The following CTNNA3 variants were observed in gnomAD, a reference collection of about 807,000 sequenced individuals.
CTNNA3 encodes catenin alpha 3.
A neutral mutation model predicts 95.7 loss-of-function variants in CTNNA3; 76 were observed. The ratio of observed to expected loss-of-function variants is 0.79; its 90% CI spans 0.66 to 0.96. The LOEUF is 0.96. CTNNA3 is among the 40% of genes least tolerant of loss of function. CTNNA3 has a pLI of 0.00. For missense variants in CTNNA3, 1,191 were observed against 1,089.8 expected (o/e 1.09, Z -1.31); for synonymous variants, 431 against 374.4 (o/e 1.15, Z -1.74).
At chr10:67,083,408 A>G (rs1857145539) in intron 7 of CTNNA3, among the ~76,000 whole-genome samples, 1 of 152,144 alleles carries the variant, frequency 6.6e-6, no homozygotes, top group Non-Finnish European at 1.5e-5. Flanking sequence ...GCAAAAAAAA[A>G]AAGTATAGTC....
chr10:66,861,680 A>G (rs919440585), intron 7 of CTNNA3, among the ~76,000 whole-genome samples: 1 of 152,200 alleles, frequency 6.6e-6, no homozygotes, highest in East Asian at 1.9e-4. Flanking sequence ...TACTGAGCCC[A>G]TCATATTTGT....
At chr10:66,469,486 C>T (rs1483212139) in intron 11 of CTNNA3, among the ~76,000 whole-genome samples, 1 of 151,668 alleles carries the variant, frequency 6.6e-6, no homozygotes, top group African/African-American at 2.4e-5. Context: ...ATATTGGACC[C>T]TGAAATTGTT....
intron 1 of CTNNA3, among the ~76,000 whole-genome samples, chr10:67,703,749 C>T (rs1841059786): frequency 2.0e-5 from 3 of 152,134 alleles, no homozygotes; most frequent in African/African-American, 7.2e-5. Context: ...CACTGCTATT[C>T]AACATAGGGT....
intron 16 of CTNNA3, among the ~76,000 whole-genome samples, chr10:65,985,024 G>A (rs1045792420): frequency 2.7e-5 from 4 of 150,784 alleles, no homozygotes; most frequent in African/African-American, 9.7e-5. Flanking sequence ...AATAATTAAA[G>A]TAACACGGAA....
chr10:66,355,389 T>C (rs1229286630), intron 12 of CTNNA3, among the ~76,000 whole-genome samples: 1 of 152,116 alleles, frequency 6.6e-6, no homozygotes, highest in African/African-American at 2.4e-5. Context: ...CAGGATTAAA[T>C]GTAATGGCAA....
At chr10:66,256,735 G>C (rs145607506) in intron 13 of CTNNA3, among the ~76,000 whole-genome samples, 9 of 150,178 alleles carry the variant, frequency 6.0e-5, no homozygotes, top group Non-Finnish European at 1.2e-4. Flanking sequence ...AAAAAAAAGC[G>C]TAAATTGGAG....
intron 1 of CTNNA3, among the ~76,000 whole-genome samples, chr10:67,757,649 T>C (rs2131754787): frequency 6.6e-6 from 1 of 152,218 alleles, no homozygotes; most frequent in Non-Finnish European, 1.5e-5. Context: ...CTCTTAGACT[T>C]ACACCGGTGG....
intron 7 of CTNNA3, among the ~76,000 whole-genome samples, chr10:66,996,753 A>T (rs966756480): frequency 4.6e-5 from 7 of 151,678 alleles, no homozygotes; most frequent in African/African-American, 9.7e-5. Flanking sequence ...CTTATTGGAA[A>T]AAAAATTTCT....
chr10:66,596,739 G>A (rs1843727195), intron 10 of CTNNA3, among the ~76,000 whole-genome samples: 2 of 151,972 alleles, frequency 1.3e-5, no homozygotes, highest in South Asian at 4.1e-4. Context: ...TTCTTCAAAT[G>A]TGAAGACACC....
At chr10:67,655,782 CA>C (rs11291979) in intron 1 of CTNNA3, among the ~76,000 whole-genome samples, 38,318 of 95,206 alleles carry the variant, frequency 0.4, 4,578 homozygotes, top group African/African-American at 0.48. Context: ...GACTCCGTCT[CA>C]AAAAAAAAAA....
At chr10:67,750,485 G>A (rs544509943) in intron 1 of CTNNA3, 693 of 1,536,922 alleles carry the variant, frequency 4.5e-4, no homozygotes, top group Non-Finnish European at 5.9e-4. Flanking sequence ...AGAGAAGGCT[G>A]TAAAGCGGGA....
rs2077126265 is a variant in CTNNA3 at position 65,923,888 on chromosome 10, G to T, written c.2401-3271C>A. Among the ~76,000 whole-genome samples, 3 of 152,158 alleles carry T rather than the reference G, an allele frequency of 2.0e-5. No individual in the cohort carries two copies. The South Asian group carries it at 6.2e-4, about 32-fold the overall frequency. On this transcript the variant is annotated intron_variant, in intron 17 of 17. Coordinates refer to ENST00000433211, the MANE Select transcript of CTNNA3 (RefSeq NM_013266.4). ...AGTTATAATCTTGTCCTGTCAAAAAGCATCTATAAGATGCTTTTTTTCCTA... is the reference window on the plus strand; with the variant it reads ...AGTTATAATCTTGTCCTGTCAAAAATCATCTATAAGATGCTTTTTTTCCTA...
At chr10:67,532,139 C>T (rs763344072) in intron 4 of CTNNA3, among the ~76,000 whole-genome samples, 3 of 152,128 alleles carry the variant, frequency 2.0e-5, no homozygotes, top group Admixed American at 6.5e-5. Flanking sequence ...ACAGAATACA[C>T]ATCTTAAATA....
chr10:67,211,337 A>T (rs1477080455), intron 6 of CTNNA3, among the ~76,000 whole-genome samples: 1 of 152,104 alleles, frequency 6.6e-6, no homozygotes, highest in East Asian at 1.9e-4. Flanking sequence ...GGTCCATATA[A>T]CAGCAAACCT....
chr10:67,660,654 C>T (rs1840156659), intron 1 of CTNNA3, among the ~76,000 whole-genome samples: 1 of 151,962 alleles, frequency 6.6e-6, no homozygotes, highest in African/African-American at 2.4e-5. Context: ...GAATTAAGTC[C>T]GGGCGCAGTG....
chr10:67,544,984 G>C (rs909225065), intron 3 of CTNNA3, among the ~76,000 whole-genome samples: 2 of 152,110 alleles, frequency 1.3e-5, no homozygotes, highest in African/African-American at 4.8e-5. Context: ...GTCACTGAGC[G>C]CTGCACCATT....
intron 12 of CTNNA3, among the ~76,000 whole-genome samples, chr10:66,309,918 TAAA>T (rs2132255842): frequency 1.3e-5 from 1 of 79,876 alleles, no homozygotes; most frequent in South Asian, 3.5e-4. Context: ...AATAAATAAA[TAAA>T]TAAATAAATA....
chr10:67,282,528 A>C (rs1048308207), intron 5 of CTNNA3, among the ~76,000 whole-genome samples: 1 of 152,220 alleles, frequency 6.6e-6, no homozygotes, highest in Non-Finnish European at 1.5e-5. Flanking sequence ...TGGTAACCTA[A>C]GTCTACTTTT....
At chr10:67,421,465 A>G (rs1358195677) in intron 5 of CTNNA3, among the ~76,000 whole-genome samples, 8 of 152,158 alleles carry the variant, frequency 5.3e-5, no homozygotes, top group Admixed American at 5.2e-4. Flanking sequence ...GTACAAGTAA[A>G]CATGTCTCAG....
Sources: allele counts gnomAD v4.1 joint callset (sites outside exome capture counted in the v4.1 genomes callset), GRCh38; gene constraint gnomAD v4.1.1; transcripts MANE v1.5; gene names NCBI Gene and HGNC (gene_info 2026-07-23, HGNC 2026-07-21).